The following NEDD4L variants were observed in gnomAD, a reference collection of about 807,000 sequenced individuals.
The protein encoded by NEDD4L is E3 ubiquitin-protein ligase NEDD4-like.
Under a neutral mutation model 148.9 loss-of-function variants are expected in NEDD4L, and 54 were observed. The observed-to-expected ratio is 0.36, with a 90% CI of 0.29 to 0.45. The LOEUF is 0.45. Ranked by LOEUF, NEDD4L falls within the 20% of genes least tolerant of loss-of-function variation. The pLI, the probability that NEDD4L is intolerant of heterozygous loss-of-function variation, is 1.00. For synonymous variants in NEDD4L, 433 were observed against 440.7 expected (o/e 0.98, Z 0.22); for missense variants, 856 against 1,233.8 (o/e 0.69, Z 4.59).
rs1338953903 is a variant in NEDD4L, at chr18:58,044,629, G to A, written c.-32G>A. ...CCGCGCCGCAGCACAGCCGCTGGGA[G>A]CGCCTCAGACCCCGCGCGGGGCGCC... On this transcript the variant is annotated 5_prime_UTR_variant, in exon 1 of 31. Coordinates refer to ENST00000400345, the MANE Select transcript of NEDD4L (RefSeq NM_001144967.3). 1 of 1,576,778 alleles carries A rather than the reference G, an allele frequency of 6.3e-7. No homozygotes were observed. Among genetic ancestry groups the A allele is most frequent in the South Asian group, 1.1e-5 (1 of 86,958 alleles).
At chr18:58,065,919 G>T (rs2082568368) in intron 1 of NEDD4L, among the ~76,000 whole-genome samples, 1 of 152,194 alleles carries the variant, frequency 6.6e-6, no homozygotes, top group African/African-American at 2.4e-5. Flanking sequence ...GGAGGGTATT[G>T]AATGATAGCT....
intron 2 of NEDD4L, chr18:58,221,529 T>C (rs2043772685): frequency 1.0e-6 from 1 of 984,842 alleles, no homozygotes. Flanking sequence ...GTCATTGAAG[T>C]GAATCATCAG....
chr18:58,136,407 C>A lies in NEDD4L; in HGVS notation c.49-29381C>A, dbSNP rs139995299. On this transcript the variant is annotated intron_variant, in intron 1 of 30. Coordinates refer to ENST00000400345, the MANE Select transcript of NEDD4L (RefSeq NM_001144967.3). The stretch of plus-strand genomic sequence containing the variant: ...AACACTTGTTTTGTTTTCAAAGTGC[C>A]TTCTCTCCCCAGTGTTGGGTTTGGA... Among the ~76,000 whole-genome samples the A allele has an allele frequency of 2.6e-4, 40 of 152,262 alleles. 1 individual carries two copies. Among genetic ancestry groups the A allele is most frequent in the Middle Eastern group, 3.4e-3 (1 of 294 alleles).
At chr18:58,060,571 G>C (rs2082287032) in intron 1 of NEDD4L, among the ~76,000 whole-genome samples, 1 of 152,120 alleles carries the variant, frequency 6.6e-6, no homozygotes, top group African/African-American at 2.4e-5. Context: ...AGATTCCATT[G>C]GATTTGGTCA....
chr18:58,256,556 G>A lies in NEDD4L; in HGVS notation c.297+4502G>A, dbSNP rs2048599785. ...CACGGAAGATCGGGGAGCCCTGGAGGCATCGCCTCGAGCTGGCAGGATGGC... is the reference window on the plus strand; with the variant it reads ...CACGGAAGATCGGGGAGCCCTGGAGACATCGCCTCGAGCTGGCAGGATGGC... On this transcript the variant is annotated intron_variant, in intron 5 of 30. Transcript: ENST00000400345. This position sits in a 1 kb window ranked among gnomAD's most constrained non-coding sequence, Gnocchi z 5.2. 3 of 1,232,338 alleles carry A rather than the reference G, an allele frequency of 2.4e-6. No homozygotes were observed. In the East Asian group the frequency reaches 9.5e-5, roughly 39 times the overall value. 76.3% of individuals were successfully genotyped at this position (1,232,338 alleles called of 1,614,324 possible).
chr18:58,260,564 C>G (rs1397415549), intron 5 of NEDD4L, among the ~76,000 whole-genome samples: 1 of 152,120 alleles, frequency 6.6e-6, no homozygotes, highest in Non-Finnish European at 1.5e-5. Context: ...TGTTATTTCA[C>G]TGTTTCAGAT....
At chr18:58,308,276 C>A (rs1283445054) in intron 5 of NEDD4L, among the ~76,000 whole-genome samples, 1 of 152,202 alleles carries the variant, frequency 6.6e-6, no homozygotes, top group Non-Finnish European at 1.5e-5. Flanking sequence ...TTTAGCATTT[C>A]TTTCACAAGA....
intron 1 of NEDD4L, among the ~76,000 whole-genome samples, chr18:58,090,193 C>T (rs534023763): frequency 6.6e-6 from 1 of 152,246 alleles, no homozygotes; most frequent in African/African-American, 2.4e-5. Flanking sequence ...TTAGCCTCAC[C>T]TTCATTCTTC....
intron 1 of NEDD4L, among the ~76,000 whole-genome samples, chr18:58,068,111 C>G (rs1041786686): frequency 2.6e-5 from 4 of 151,974 alleles, no homozygotes; most frequent in Non-Finnish European, 5.9e-5. Context: ...AGACATGTGC[C>G]ACTACACCCA....
intron 25 of NEDD4L, among the ~76,000 whole-genome samples, chr18:58,383,572 T>C (rs2048619371): frequency 6.6e-6 from 1 of 152,204 alleles, no homozygotes; most frequent in South Asian, 2.1e-4. Context: ...TATTATTGAG[T>C]AATACGGCAA....
chr18:58,181,522 CTT>C (rs138209555), intron 2 of NEDD4L, among the ~76,000 whole-genome samples: 13,392 of 152,098 alleles, frequency 0.088, 1,619 homozygotes, highest in African/African-American at 0.28. Flanking sequence ...GCCTTGAACT[CTT>C]GGGCTCAGGC....
intron 1 of NEDD4L, among the ~76,000 whole-genome samples, chr18:58,111,309 C>T (rs552080367): frequency 6.6e-6 from 1 of 152,270 alleles, no homozygotes; most frequent in East Asian, 1.9e-4. Context: ...CTCAGGTGAT[C>T]CACCTGCCTT....
intron 1 of NEDD4L, among the ~76,000 whole-genome samples, chr18:58,143,512 C>T (rs188165052): frequency 6.6e-6 from 1 of 152,296 alleles, no homozygotes; most frequent in East Asian, 1.9e-4. Context: ...TAAAGCTCTC[C>T]GTGTTATGCT....
At chr18:58,146,012 A>G (rs2034063990) in intron 1 of NEDD4L, among the ~76,000 whole-genome samples, 1 of 152,170 alleles carries the variant, frequency 6.6e-6, no homozygotes, top group African/African-American at 2.4e-5. Flanking sequence ...GTTCACCTGG[A>G]TGCATTTTCT....
At chr18:58,148,410 C>T (rs1450988718) in intron 1 of NEDD4L, among the ~76,000 whole-genome samples, 1 of 152,192 alleles carries the variant, frequency 6.6e-6, no homozygotes, top group East Asian at 1.9e-4. Flanking sequence ...AAGTTATCTG[C>T]CTGCCTCAGC....
intron 1 of NEDD4L, among the ~76,000 whole-genome samples, chr18:58,076,377 A>G (rs2083159989): frequency 1.3e-5 from 2 of 152,226 alleles, no homozygotes; most frequent in Admixed American, 6.5e-5. Context: ...GCAGTAAAGC[A>G]TAAAAAAACC....
intron 2 of NEDD4L, among the ~76,000 whole-genome samples, chr18:58,180,501 T>C: frequency 6.6e-6 from 1 of 152,168 alleles, no homozygotes; most frequent in East Asian, 1.9e-4. Context: ...CCTACCCCCT[T>C]TCTGTGCTTG....
At chr18:58,379,308 C>T (rs1178820575) in intron 24 of NEDD4L, among the ~76,000 whole-genome samples, 1 of 152,240 alleles carries the variant, frequency 6.6e-6, no homozygotes, top group African/African-American at 2.4e-5. Context: ...GGCGCTGCCG[C>T]AGCACCTATA....
chr18:58,199,289 G>A (rs1466817618), intron 2 of NEDD4L, among the ~76,000 whole-genome samples: 5 of 152,098 alleles, frequency 3.3e-5, no homozygotes. Context: ...CTCAACCAGT[G>A]GCAGTTTTGC....
Sources: gnomAD v4.1 joint callset for allele counts (sites outside exome capture counted in the v4.1 genomes callset) on GRCh38, gnomAD v4.1.1 for gene constraint, Gnocchi (gnomAD v3.1) non-coding constraint, MANE v1.5 for transcripts, NCBI Gene and HGNC (gene_info 2026-07-23, HGNC 2026-07-21) for gene names.